Variants in CDIN1 observed in about 807,000 individuals in gnomAD.
CDIN1 encodes the protein CDAN1 interacting nuclease 1.
A neutral mutation model predicts 45.3 loss-of-function variants in CDIN1; 33 were observed. The ratio of observed to expected loss-of-function variants is 0.73; its 90% CI spans 0.55 to 0.97. The LOEUF (loss-of-function observed/expected upper bound fraction) is 0.97. CDIN1 is among the 50% of genes least tolerant of loss of function. CDIN1 has a pLI of 0.00. For synonymous variants in CDIN1, 118 were observed against 124.4 expected (o/e 0.95, Z 0.34); for missense variants, 303 against 339.4 (o/e 0.89, Z 0.84).
intron 8 of CDIN1, among the ~76,000 whole-genome samples, chr15:36,701,706 T>C (rs1381189588): frequency 6.6e-6 from 1 of 152,176 alleles, no homozygotes; most frequent in Non-Finnish European, 1.5e-5. Flanking sequence ...TAGTAGATGC[T>C]AACAATTATT....
At chr15:36,741,949 T>C (rs2044254965) in intron 10 of CDIN1, among the ~76,000 whole-genome samples, 1 of 152,216 alleles carries the variant, frequency 6.6e-6, no homozygotes, top group Non-Finnish European at 1.5e-5. Flanking sequence ...GAGGGCTGTC[T>C]CCGTGGTTTG....
intron 5 of CDIN1, among the ~76,000 whole-genome samples, chr15:36,688,152 C>G (rs1052333022): frequency 2.6e-5 from 4 of 151,292 alleles, no homozygotes; most frequent in East Asian, 1.9e-4. Context: ...AGGATAAAGT[C>G]AATGAAATTA....
intron 10 of CDIN1, among the ~76,000 whole-genome samples, chr15:36,725,227 A>C (rs2043580324): frequency 6.6e-6 from 1 of 151,124 alleles, no homozygotes; most frequent in African/African-American, 2.4e-5. Flanking sequence ...AGATAAACAC[A>C]CTCCTCAAAC....
At chr15:36,695,204 G>T (rs968005331) in intron 7 of CDIN1, among the ~76,000 whole-genome samples, 18 of 152,016 alleles carry the variant, frequency 1.2e-4, no homozygotes, top group Non-Finnish European at 2.6e-4. Flanking sequence ...AATTCTCTAG[G>T]AATTTTTTTT....
At chr15:36,686,248 G>T (rs375412288) in intron 5 of CDIN1, among the ~76,000 whole-genome samples, 16 of 151,222 alleles carry the variant, frequency 1.1e-4, no homozygotes, top group Non-Finnish European at 4.4e-5. Flanking sequence ...TGATGAGTTC[G>T]TGTCCTTTGT....
intron 1 of CDIN1, chr15:36,617,719 C>A: frequency 1.3e-6 from 1 of 789,504 alleles, no homozygotes; most frequent in South Asian, 1.3e-5. Flanking sequence ...GAAACAACAC[C>A]AATAGAGGAA....
rs377481912 is a variant in CDIN1 at position 36,600,567 on chromosome 15, A to G, written c.101+20606A>G. Reference sequence around the variant, plus strand: ...TTCTCTCTTGTGGCATGTGTCATTGATATGGTGATTAGGTGGCTAGAGAGA... The same window carrying G: ...TTCTCTCTTGTGGCATGTGTCATTGGTATGGTGATTAGGTGGCTAGAGAGA... On this transcript the variant is annotated intron_variant, in intron 1 of 10. Coordinates refer to ENST00000566621, the MANE Select transcript of CDIN1 (RefSeq NM_001321759.2). Among the ~76,000 whole-genome samples, 56 of 152,332 alleles carry G rather than the reference A, an allele frequency of 3.7e-4. 1 individual carries two copies. Among genetic ancestry groups the G allele is most frequent in the African/African-American group, 1.3e-3 (52 of 41,582 alleles).
intron 1 of CDIN1, among the ~76,000 whole-genome samples, chr15:36,606,159 T>G (rs1566827881): frequency 6.6e-6 from 1 of 152,130 alleles, no homozygotes; most frequent in Non-Finnish European, 1.5e-5. Context: ...CATCACGCAT[T>G]GTGTAGTGTT....
At chr15:36,691,531 A>C (rs1474779508) in intron 5 of CDIN1, among the ~76,000 whole-genome samples, 154 bp from the exon 6 acceptor site, 1 of 152,038 alleles carries the variant, frequency 6.6e-6, no homozygotes, top group Non-Finnish European at 1.5e-5. Context: ...TCTAATTAAA[A>C]GCTTCTGTTA....
At chr15:36,767,840 G>A (rs1279380440) in intron 10 of CDIN1, among the ~76,000 whole-genome samples, 1 of 152,196 alleles carries the variant, frequency 6.6e-6, no homozygotes, top group African/African-American at 2.4e-5. Context: ...CTTGTAAAAG[G>A]AGGCTGATCC....
intron 1 of CDIN1, among the ~76,000 whole-genome samples, chr15:36,584,416 C>T (rs1186949872): frequency 1.3e-5 from 2 of 152,130 alleles, no homozygotes; most frequent in African/African-American, 4.8e-5. Context: ...GCCTGAGCCA[C>T]AACAGTTAGA....
chr15:36,601,179 A>T (rs1824316807), intron 1 of CDIN1, among the ~76,000 whole-genome samples: 1 of 152,122 alleles, frequency 6.6e-6, no homozygotes, highest in African/African-American at 2.4e-5. Flanking sequence ...GAATGACTTT[A>T]CCAACTGGGA....
chr15:36,788,651 T>TA (rs2054568808), intron 10 of CDIN1, among the ~76,000 whole-genome samples: 1 of 152,172 alleles, frequency 6.6e-6, no homozygotes, highest in Non-Finnish European at 1.5e-5. Flanking sequence ...AAAACAAAAT[T>TA]ATTACTTAAA....
chr15:36,653,425 T>C (rs1460900573), intron 3 of CDIN1, among the ~76,000 whole-genome samples: 6 of 148,256 alleles, frequency 4.0e-5, no homozygotes, highest in Admixed American at 6.8e-5. Flanking sequence ...TGAAGTGTTA[T>C]AACAAGGGGA....
intron 5 of CDIN1, 58 bp downstream of exon 5, chr15:36,657,963 A>G (rs2040848539): frequency 2.2e-6 from 3 of 1,392,848 alleles, no homozygotes; most frequent in African/African-American, 2.9e-5. Flanking sequence ...ATTTAAAAAT[A>G]ATTTACACAG....
rs1330024732 is a variant in CDIN1, at chr15:36,703,371, C to CAT, written c.545-5839_545-5838dup. On this transcript the variant is annotated intron_variant, in intron 8 of 10. Coordinates refer to ENST00000566621, the MANE Select transcript of CDIN1 (RefSeq NM_001321759.2). ...ATATACATATATCAGATAGATCTAT[C>CAT]ATATATATATATATCAGATATATAT... is the stretch of plus-strand genomic sequence containing the variant. 2.3e-3 allele frequency among the ~76,000 whole-genome samples: 59 copies of CAT among 25,254 alleles called. 3 individuals are homozygous for CAT. Among genetic ancestry groups the CAT allele is most frequent in the Middle Eastern group, 0.04 (2 of 50 alleles). The allele number at this position is 25,254 out of a possible 152,430, so 16.6% of individuals were successfully genotyped here.
intron 1 of CDIN1, among the ~76,000 whole-genome samples, chr15:36,628,310 G>GTAGA (rs2039535797): frequency 6.6e-6 from 1 of 152,232 alleles, no homozygotes; most frequent in African/African-American, 2.4e-5. Flanking sequence ...GAATCATGTG[G>GTAGA]TAGATAGCCT....
chr15:36,703,019 A>G (rs1361600677), intron 8 of CDIN1, among the ~76,000 whole-genome samples: 1 of 148,798 alleles, frequency 6.7e-6, no homozygotes, highest in Non-Finnish European at 1.5e-5. Context: ...TGGGCAACAT[A>G]GCAAGACTCC....
At chr15:36,803,990 C>G (rs1008363945) in intron 10 of CDIN1, among the ~76,000 whole-genome samples, 1 of 152,152 alleles carries the variant, frequency 6.6e-6, no homozygotes, top group African/African-American at 2.4e-5. Context: ...CGATCACTAC[C>G]TCATAGTGAG....
Sources: allele counts gnomAD v4.1 joint callset (sites outside exome capture counted in the v4.1 genomes callset), GRCh38; gene constraint gnomAD v4.1.1; transcripts MANE v1.5; gene names NCBI Gene and HGNC (gene_info 2026-07-23, HGNC 2026-07-21).